Variants in TENM3 observed in about 807,000 individuals in gnomAD.
TENM3 encodes teneurin transmembrane protein 3.
A neutral mutation model predicts 255.1 loss-of-function variants in TENM3; 63 were observed. That is an observed-to-expected ratio of 0.25 (90% confidence interval 0.20 to 0.30). The LOEUF (loss-of-function observed/expected upper bound fraction) is 0.30, where lower values mean the gene tolerates loss of function less well. TENM3 is among the 10% of genes least tolerant of loss of function. The pLI is 1.00. For synonymous variants in TENM3, 1,306 were observed against 1,322.3 expected, an observed-to-expected ratio of 0.99 and a Z score of 0.27; for missense variants, 2,929 against 3,461.1, an observed-to-expected ratio of 0.85 and a Z score of 3.86.
the TENM3 span, among the ~76,000 whole-genome samples, chr4:181,630,145 C>G: frequency 1.3e-5 from 2 of 152,186 alleles, no homozygotes; most frequent in African/African-American, 4.8e-5. Flanking sequence ...ATAGTAGTCT[C>G]TGATGGTAGC....
At chr4:182,579,261 G>T (rs10020106) in intron 3 of TENM3, among the ~76,000 whole-genome samples, 150,452 of 152,324 alleles carry the variant, frequency 0.99, 74,327 homozygotes, top group Middle Eastern at 1. Context: ...TAGGCAGAGA[G>T]AGCAGCATTC....
At chr4:182,255,718 A>C (rs1473524287) in intron 1 of TENM3, among the ~76,000 whole-genome samples, 1 of 152,156 alleles carries the variant, frequency 6.6e-6, no homozygotes, top group Non-Finnish European at 1.5e-5. Context: ...AATTGGGCTT[A>C]TGTGTATGGG....
At chr4:182,325,524 A>T (rs1190423025) in intron 2 of TENM3, among the ~76,000 whole-genome samples, 2 of 152,208 alleles carry the variant, frequency 1.3e-5, no homozygotes, top group Non-Finnish European at 2.9e-5. Context: ...GAGATACAAA[A>T]CATATTTGAG....
chr4:182,590,597 C>A (rs576692647), intron 3 of TENM3, among the ~76,000 whole-genome samples: 2 of 148,458 alleles, frequency 1.3e-5, no homozygotes, highest in Non-Finnish European at 3.0e-5. Context: ...CAATGGCTCA[C>A]GCCTATAATC....
chr4:181,616,165 A>T, the TENM3 span, among the ~76,000 whole-genome samples: 1 of 151,440 alleles, frequency 6.6e-6, no homozygotes, highest in African/African-American at 2.4e-5. Flanking sequence ...TGTGATGTTA[A>T]TTTGTATTAA....
At chr4:182,058,575 A>AC in the TENM3 span, among the ~76,000 whole-genome samples, 1 of 2,786 alleles carries the variant, frequency 3.6e-4, no homozygotes, top group Non-Finnish European at 9.4e-3. Flanking sequence ...TGCTTTTGCA[A>AC]CTTTTTTCTT....
the TENM3 span, chr4:181,820,077 G>A: frequency 2.6e-5 from 4 of 152,152 alleles, no homozygotes; most frequent in Non-Finnish European, 5.9e-5. Context: ...CAGCTGGGTT[G>A]GAGTCTGTAC....
At chr4:181,461,800 G>T in the TENM3 span, among the ~76,000 whole-genome samples, 4 of 152,076 alleles carry the variant, frequency 2.6e-5, no homozygotes, top group Non-Finnish European at 5.9e-5. Context: ...TATAATAGCT[G>T]TTTTAATGTT....
the TENM3 span, among the ~76,000 whole-genome samples, chr4:181,516,643 G>C: frequency 9.9e-5 from 15 of 152,158 alleles, no homozygotes; most frequent in African/African-American, 3.4e-4. Context: ...GGATGTGGTG[G>C]CACATGCCTG....
At chr4:181,649,197 A>C in the TENM3 span, among the ~76,000 whole-genome samples, 4 of 152,264 alleles carry the variant, frequency 2.6e-5, no homozygotes, top group South Asian at 8.3e-4. Flanking sequence ...ATAAATGGTT[A>C]ACTGCTGCAT....
chr4:181,903,853 T>G, the TENM3 span, among the ~76,000 whole-genome samples: 1 of 152,268 alleles, frequency 6.6e-6, no homozygotes, highest in East Asian at 1.9e-4. Context: ...ACTAAGTGTG[T>G]GACCCAGGGC....
chr4:181,844,824 A>G, the TENM3 span, among the ~76,000 whole-genome samples: 3 of 152,170 alleles, frequency 2.0e-5, no homozygotes, highest in East Asian at 3.9e-4. Context: ...TCCCAGATCA[A>G]TCTAGCTTGT....
the TENM3 span, among the ~76,000 whole-genome samples, chr4:181,568,020 A>G: frequency 6.6e-6 from 1 of 152,124 alleles, no homozygotes; most frequent in Non-Finnish European, 1.5e-5. Flanking sequence ...AGAAAATAGG[A>G]AATGCATTGT....
the TENM3 span, among the ~76,000 whole-genome samples, chr4:182,026,120 C>T: frequency 6.6e-5 from 10 of 152,124 alleles, no homozygotes; most frequent in Non-Finnish European, 5.9e-5. Flanking sequence ...ATGTGGTTTC[C>T]AGCTTCATCC....
chr4:181,456,414 A>G, the TENM3 span, among the ~76,000 whole-genome samples: 1 of 151,930 alleles, frequency 6.6e-6, no homozygotes, highest in Non-Finnish European at 1.5e-5. Context: ...TTAAGAGTTT[A>G]AAACCAAGGA....
the TENM3 span, among the ~76,000 whole-genome samples, chr4:181,542,270 G>A: frequency 2.6e-5 from 4 of 152,172 alleles, no homozygotes; most frequent in Non-Finnish European, 2.9e-5. Context: ...TGGGGACTCC[G>A]TTGATCTGGA....
intron 1 of TENM3, among the ~76,000 whole-genome samples, chr4:182,308,778 A>G (rs1467424594): frequency 6.6e-6 from 1 of 152,204 alleles, no homozygotes; most frequent in Non-Finnish European, 1.5e-5. Flanking sequence ...TATTGTGCCT[A>G]TGCATTTTAA....
intron 3 of TENM3, among the ~76,000 whole-genome samples, chr4:182,433,806 A>G (rs2151207396): frequency 6.6e-6 from 1 of 152,294 alleles, no homozygotes; most frequent in South Asian, 2.1e-4. Context: ...TTATAATGAG[A>G]TTTTTGAAGG....
chr4:182,056,810 G>A, the TENM3 span, among the ~76,000 whole-genome samples: 21 of 152,096 alleles, frequency 1.4e-4, no homozygotes, highest in Middle Eastern at 0.01. Context: ...TCAGTGAACA[G>A]AGAATGGAGG....
Sources: allele counts gnomAD v4.1 joint callset (sites outside exome capture counted in the v4.1 genomes callset), GRCh38; gene constraint gnomAD v4.1.1; transcripts MANE v1.5; gene names NCBI Gene and HGNC (gene_info 2026-07-23, HGNC 2026-07-21).